The following AGAP1 variants were observed in gnomAD, a reference collection of about 807,000 sequenced individuals.
The protein encoded by AGAP1 is arf-GAP with GTPase, ANK repeat and PH domain-containing protein 1.
Under a neutral mutation model 105.3 loss-of-function variants are expected in AGAP1, and 29 were observed. The ratio of observed to expected loss-of-function variants is 0.28; its 90% confidence interval spans 0.21 to 0.38. The LOEUF is 0.38. Among genes scored for constraint, AGAP1 ranks in the 10% least tolerant of loss-of-function variants. The pLI, the probability that AGAP1 is intolerant of heterozygous loss-of-function variation, is 1.00. For synonymous variants in AGAP1, 509 were observed against 485.9 expected (o/e 1.05, Z -0.63); for missense variants, 998 against 1,165.1 (o/e 0.86, Z 2.09).
At chr2:236,022,952 T>A (rs564669291) in intron 13 of AGAP1, among the ~76,000 whole-genome samples, 1 of 152,138 alleles carries the variant, frequency 6.6e-6, no homozygotes, top group Non-Finnish European at 1.5e-5. Context: ...GAGCTTTTTG[T>A]CATAATTGGG....
chr2:235,956,118 CTT>C (rs954535044), intron 12 of AGAP1, among the ~76,000 whole-genome samples: 2 of 152,140 alleles, frequency 1.3e-5, no homozygotes, highest in Admixed American at 6.5e-5. Flanking sequence ...AACAGAATCT[CTT>C]TTCAATTTAG....
Position 235,599,687 on chromosome 2 carries a change from G to C in AGAP1, c.163+104838G>C, listed in dbSNP as rs957281004. ...TTCAGAGGAATCCTGCAGTCCACTT[G>C]CCCAGCGTCACTTCCTCCAGTGCCC... On this transcript the variant is annotated intron_variant, in intron 1 of 17. Transcript: ENST00000304032. The surrounding 1 kb of genome is among the most constrained non-coding windows in gnomAD (Gnocchi z 5.3). Among the ~76,000 whole-genome samples, 6 of 152,090 alleles carry C rather than the reference G, an allele frequency of 3.9e-5. No individual in the cohort carries two copies. Among genetic ancestry groups the C allele is most frequent in the African/African-American group, 1.4e-4 (6 of 41,406 alleles).
At chr2:235,996,351 A>AT (rs1175206023) in intron 13 of AGAP1, among the ~76,000 whole-genome samples, 5 of 152,278 alleles carry the variant, frequency 3.3e-5, no homozygotes, top group Non-Finnish European at 7.4e-5. Flanking sequence ...CCGATTGGAG[A>AT]TTCGTATCTG....
At chr2:235,522,664 A>G (rs1942667402) in intron 1 of AGAP1, among the ~76,000 whole-genome samples, 1 of 152,168 alleles carries the variant, frequency 6.6e-6, no homozygotes, top group Non-Finnish European at 1.5e-5. Context: ...GAGGCTGGCC[A>G]CAAGGCAGAG....
intron 1 of AGAP1, among the ~76,000 whole-genome samples, chr2:235,536,555 C>T (rs1480203960): frequency 5.0e-4 from 71 of 141,148 alleles, no homozygotes; most frequent in African/African-American, 1.8e-3. Context: ...AGCAGGACCC[C>T]CGGGTTTGTG....
chr2:235,496,555 A>G (rs1015225491), intron 1 of AGAP1, among the ~76,000 whole-genome samples: 2 of 152,128 alleles, frequency 1.3e-5, no homozygotes, highest in African/African-American at 2.4e-5. Context: ...AAGTCTGATG[A>G]AACACTGTGA....
chr2:235,579,523 C>A (rs535965158), intron 1 of AGAP1, among the ~76,000 whole-genome samples: 2 of 152,230 alleles, frequency 1.3e-5, no homozygotes, highest in African/African-American at 4.8e-5. Flanking sequence ...CACCTGTAAT[C>A]CCAGCACTTT....
chr2:235,762,650 C>G (rs2696401), intron 6 of AGAP1, among the ~76,000 whole-genome samples: 1 of 151,826 alleles, frequency 6.6e-6, no homozygotes, highest in Non-Finnish European at 1.5e-5. Flanking sequence ...GGTGGATCCC[C>G]TGAGGTCAGG....
At chr2:235,786,874 C>T (rs1017537454) in intron 6 of AGAP1, among the ~76,000 whole-genome samples, 2 of 152,204 alleles carry the variant, frequency 1.3e-5, no homozygotes, top group South Asian at 2.1e-4. Context: ...AGTGAGAAAG[C>T]GTGAGCTCCG....
In AGAP1 at chr2:236,042,024, T is replaced by C. The variant is rs1054026466; in HGVS notation, c.1891+1183T>C. ...GGGCTGGAAAACCAGTAGAAGCTAG[T>C]TGGAGTGTGAGTGCCAAGTGAAACT... On this transcript the variant is annotated intron_variant, in intron 15 of 17. Coordinates refer to ENST00000304032, the MANE Select transcript of AGAP1 (RefSeq NM_001037131.3). This position sits in a 1 kb window ranked among gnomAD's most constrained non-coding sequence, Gnocchi z 5.6. Among the ~76,000 whole-genome samples, 6 of 152,260 alleles carry C rather than the reference T, an allele frequency of 3.9e-5. No homozygotes were observed. Among genetic ancestry groups the C allele is most frequent in the Non-Finnish European group, 5.9e-5 (4 of 68,018 alleles).
intron 1 of AGAP1, among the ~76,000 whole-genome samples, chr2:235,644,345 C>G (rs761220966): frequency 6.6e-6 from 1 of 152,168 alleles, no homozygotes; most frequent in South Asian, 2.1e-4. Context: ...CATGTGGCCT[C>G]TTCACGGATG....
intron 1 of AGAP1, among the ~76,000 whole-genome samples, chr2:235,587,884 G>C (rs140684360): frequency 1.3e-5 from 2 of 152,022 alleles, no homozygotes; most frequent in Non-Finnish European, 2.9e-5. Flanking sequence ...ACGCCTGCCC[G>C]GTCCCTGCAG....
chr2:235,507,645 C>A (rs1345751343), intron 1 of AGAP1: 3 of 152,132 alleles, frequency 2.0e-5, no homozygotes, highest in Non-Finnish European at 2.9e-5. Flanking sequence ...TTATCCTGGT[C>A]ACTGCCAGAC....
At position 236,073,373 on chromosome 2, in the gene AGAP1, G is replaced by A. The variant is rs577966883; in HGVS notation, c.2114+24092G>A. Among the ~76,000 whole-genome samples, 53 of 152,268 alleles carry A rather than the reference G, an allele frequency of 3.5e-4. No individual in the cohort carries two copies. Among genetic ancestry groups the A allele is most frequent in the African/African-American group, 1.2e-3 (51 of 41,552 alleles). The stretch of plus-strand genomic sequence containing the variant: ...GCACATCTCCATTAGGACTAGCCAC[G>A]TTTCAAGCATCTGATGGCCACATGT... On this transcript the variant is annotated intron_variant, in intron 16 of 17. Coordinates refer to ENST00000304032, the MANE Select transcript of AGAP1 (RefSeq NM_001037131.3). This position sits in a 1 kb window ranked among gnomAD's most constrained non-coding sequence, Gnocchi z 5.4.
At chr2:235,683,463 A>G (rs1575118712) in intron 1 of AGAP1, among the ~76,000 whole-genome samples, 1 of 150,826 alleles carries the variant, frequency 6.6e-6, no homozygotes, top group African/African-American at 2.4e-5. Flanking sequence ...TAAATATTAT[A>G]CAATACTTAA....
chr2:235,745,572 G>A (rs766032632), intron 5 of AGAP1, among the ~76,000 whole-genome samples: 5 of 152,118 alleles, frequency 3.3e-5, no homozygotes, highest in African/African-American at 4.8e-5. Flanking sequence ...CAGAAATATG[G>A]GTAACATACA....
chr2:236,091,732 A>G (rs2059065627), intron 16 of AGAP1, among the ~76,000 whole-genome samples: 2 of 152,222 alleles, frequency 1.3e-5, no homozygotes, highest in South Asian at 4.1e-4. Context: ...GGATCATGCC[A>G]CTGAACTCCA....
intron 9 of AGAP1, among the ~76,000 whole-genome samples, chr2:235,860,405 A>T (rs2048881918): frequency 6.6e-6 from 1 of 151,762 alleles, no homozygotes; most frequent in Non-Finnish European, 1.5e-5. Flanking sequence ...GAATATGAGG[A>T]TTACCTTTTT....
intron 1 of AGAP1, chr2:235,671,067 G>C (rs918379933): frequency 1.5e-5 from 19 of 1,262,676 alleles, no homozygotes; most frequent in Non-Finnish European, 1.8e-5. Context: ...GGTGGGCAGC[G>C]TGGCCGGGGG....
Sources: gnomAD v4.1 joint callset for allele counts (sites outside exome capture counted in the v4.1 genomes callset) on GRCh38, gnomAD v4.1.1 for gene constraint, Gnocchi (gnomAD v3.1) non-coding constraint, MANE v1.5 for transcripts, NCBI Gene and HGNC (gene_info 2026-07-23, HGNC 2026-07-21) for gene names.